The following TSPAN9 variants were observed in gnomAD, a reference collection of about 807,000 sequenced individuals.
The protein encoded by TSPAN9 is tetraspanin 9.
TSPAN9 carries 16 observed loss-of-function variants against 31.0 expected under a neutral mutation model. The ratio of observed to expected loss-of-function variants is 0.52; its 90% CI spans 0.35 to 0.78. The LOEUF is 0.78. Among genes scored for constraint, TSPAN9 ranks in the 30% least tolerant of loss-of-function variants. The probability of loss-of-function intolerance (pLI) is 0.01; values close to 1 mark genes in which losing one functional copy is unlikely to be tolerated. For missense variants in TSPAN9, 272 were observed against 312.5 expected, an observed-to-expected ratio of 0.87 and a Z score of 0.98; for synonymous variants, 145 against 121.6, an observed-to-expected ratio of 1.19 and a Z score of -1.27.
chr12:3,085,220 G>C (rs1226688023), intron 2 of TSPAN9, among the ~76,000 whole-genome samples: 3 of 151,762 alleles, frequency 2.0e-5, no homozygotes, highest in Non-Finnish European at 4.4e-5. Flanking sequence ...AAAAAGACCG[G>C]GCGGCAGAGA....
chr12:3,097,138 C>G (rs1022360430), intron 2 of TSPAN9, among the ~76,000 whole-genome samples: 2 of 152,156 alleles, frequency 1.3e-5, no homozygotes, highest in Non-Finnish European at 2.9e-5. Context: ...CCTTGGGTGT[C>G]TGGGCAGTTG....
At chr12:3,202,200 A>C (rs570100547) in intron 3 of TSPAN9, among the ~76,000 whole-genome samples, 1 of 152,310 alleles carries the variant, frequency 6.6e-6, no homozygotes, top group South Asian at 2.1e-4. Context: ...CTTCATCCCA[A>C]TTGCCGTCTC....
intron 2 of TSPAN9, among the ~76,000 whole-genome samples, chr12:3,177,652 T>C (rs2098356530): frequency 4.6e-5 from 7 of 152,046 alleles, no homozygotes; most frequent in Admixed American, 4.6e-4. Flanking sequence ...AAGCTGTCCT[T>C]GAACTTCTGA....
At chr12:3,244,556 T>C (rs1054576141) in intron 3 of TSPAN9, among the ~76,000 whole-genome samples, 1 of 152,194 alleles carries the variant, frequency 6.6e-6, no homozygotes, top group Non-Finnish European at 1.5e-5. Flanking sequence ...TGGCGAGGTC[T>C]GCTTTAGGAG....
chr12:3,281,172 C>T lies in TSPAN9; in HGVS notation c.433-26C>T, dbSNP rs367545461. 9.7e-6 allele frequency: 15 copies of T among 1,550,336 alleles called. No individual in the cohort carries two copies. In the East Asian group the frequency reaches 1.7e-4, roughly 18 times the overall value. ...AAGGGGCGGGCCATGGCATGTCTGA[C>T]TGCCCCTTCCATTCCTGCTGGCCAG... is the stretch of plus-strand genomic sequence containing the variant. On this transcript the variant is annotated intron_variant, in intron 6 of 8. Transcript: ENST00000011898.
intron 2 of TSPAN9, among the ~76,000 whole-genome samples, chr12:3,127,321 G>A (rs949549926): frequency 1.3e-5 from 2 of 151,996 alleles, no homozygotes; most frequent in Non-Finnish European, 2.9e-5. Flanking sequence ...ACCTTGTAAA[G>A]GACCTGCTTG....
chr12:3,220,718 C>T (rs917181731), intron 3 of TSPAN9, among the ~76,000 whole-genome samples: 30 of 151,862 alleles, frequency 2.0e-4, no homozygotes, highest in Non-Finnish European at 1.9e-4. Flanking sequence ...GGGGCTGTCT[C>T]AAGATAATAT....
intron 2 of TSPAN9, among the ~76,000 whole-genome samples, chr12:3,189,777 G>T (rs745318943): frequency 1.7e-4 from 26 of 152,132 alleles, no homozygotes; most frequent in Non-Finnish European, 2.5e-4. Flanking sequence ...ATAGCTATGG[G>T]CCAGCCTGAT....
chr12:3,260,061 G>A (rs1177094917), intron 3 of TSPAN9, among the ~76,000 whole-genome samples: 1 of 152,236 alleles, frequency 6.6e-6, no homozygotes, highest in Non-Finnish European at 1.5e-5. Context: ...TAGTACGCGT[G>A]AGATGCCTGT....
chr12:3,234,964 T>C (rs1344867481), intron 3 of TSPAN9, among the ~76,000 whole-genome samples: 4 of 148,094 alleles, frequency 2.7e-5, no homozygotes, highest in South Asian at 2.1e-4. Flanking sequence ...ATCGAGACCA[T>C]CCTGGCTAAC....
chr12:3,262,897 C>T lies in TSPAN9; in HGVS notation c.64-15524C>T, dbSNP rs555137376. Among the ~76,000 whole-genome samples the T allele has an allele frequency of 5.3e-5, 8 of 152,276 alleles. No individual in the cohort carries two copies. The South Asian group carries it at 1.5e-3, about 28-fold the overall frequency. On this transcript the variant is annotated intron_variant, in intron 3 of 8. Coordinates refer to ENST00000011898, the MANE Select transcript of TSPAN9 (RefSeq NM_006675.5). ...CAGGCAGGAAATTGGCATCAGACCT[C>T]GATGGTGGGACCCTGAGTAAGTCGC...
intron 1 of TSPAN9, among the ~76,000 whole-genome samples, chr12:3,079,271 A>G (rs2098296653): frequency 2.0e-5 from 3 of 152,104 alleles, no homozygotes; most frequent in Admixed American, 2.0e-4. Flanking sequence ...GAGCCACCGC[A>G]TTGGCTGAAG....
chr12:3,274,174 CT>C (rs1324700973), intron 3 of TSPAN9, among the ~76,000 whole-genome samples: 2 of 152,192 alleles, frequency 1.3e-5, no homozygotes, highest in Admixed American at 1.3e-4. Context: ...GGAGCAGCCC[CT>C]CCCATTGTGG....
At chr12:3,167,326 C>G (rs1055226998) in intron 2 of TSPAN9, among the ~76,000 whole-genome samples, 1 of 152,140 alleles carries the variant, frequency 6.6e-6, no homozygotes, top group South Asian at 2.1e-4. Context: ...AGGTTTTTAG[C>G]TCTTCCATTA....
intron 3 of TSPAN9, among the ~76,000 whole-genome samples, chr12:3,246,685 A>G (rs1862135106): frequency 1.3e-5 from 2 of 152,142 alleles, no homozygotes; most frequent in Non-Finnish European, 2.9e-5. Flanking sequence ...TGGGCCTAAT[A>G]ATAGCCCCTT....
intron 7 of TSPAN9, 27 bp from the exon 8 acceptor site, chr12:3,281,707 C>T (rs1210948992): frequency 1.2e-6 from 2 of 1,605,062 alleles, no homozygotes; most frequent in African/African-American, 1.3e-5. Context: ...GGGCTGGGAC[C>T]CTAACCTCGT....
At chr12:3,149,006 G>A (rs1035404864) in intron 2 of TSPAN9, among the ~76,000 whole-genome samples, 3 of 152,208 alleles carry the variant, frequency 2.0e-5, no homozygotes, top group African/African-American at 7.2e-5. Context: ...CCTGGATCCT[G>A]GGTAAATTGT....
chr12:3,098,464 A>G (rs2098310216), intron 2 of TSPAN9, among the ~76,000 whole-genome samples: 1 of 152,182 alleles, frequency 6.6e-6, no homozygotes, highest in African/African-American at 2.4e-5. Flanking sequence ...CTTTAGGTTC[A>G]GAAAATCAGT....
rs539906553 is a variant in TSPAN9, at chr12:3,107,113, C to A, written c.-18+23394C>A. ...TTGCCGCCACCACCACCACTGCTGC[C>A]ACCGCAGAGCACGAAATCATCACGG... On this transcript the variant is annotated intron_variant, in intron 2 of 8. Coordinates refer to ENST00000011898, the MANE Select transcript of TSPAN9 (RefSeq NM_006675.5). This position sits in a 1 kb window ranked among gnomAD's most constrained non-coding sequence, Gnocchi z 4.1. Among the ~76,000 whole-genome samples, 132 of 152,280 alleles carry A rather than the reference C, an allele frequency of 8.7e-4. No individual in the cohort carries two copies. Among genetic ancestry groups the A allele is most frequent in the Non-Finnish European group, 1.5e-3 (100 of 68,028 alleles).
Sources: allele counts gnomAD v4.1 joint callset (sites outside exome capture counted in the v4.1 genomes callset), GRCh38; gene constraint gnomAD v4.1.1; non-coding constraint Gnocchi (gnomAD v3.1); transcripts MANE v1.5; gene names NCBI Gene and HGNC (gene_info 2026-07-23, HGNC 2026-07-21).